Variants in KDM2A observed in about 807,000 individuals in gnomAD.
The protein encoded by KDM2A is lysine demethylase 2A, also known as lysine-specific demethylase 2A.
KDM2A carries 3 observed loss-of-function variants against 137.3 expected under a neutral mutation model. The observed-to-expected ratio is 0.02, with a 90% CI of 0.01 to 0.06. The LOEUF (loss-of-function observed/expected upper bound fraction) is 0.06, where lower values mean the gene tolerates loss of function less well. Among genes scored for constraint, KDM2A ranks in the 10% least tolerant of loss-of-function variants. The pLI is 1.00. For synonymous variants in KDM2A, 512 were observed against 541.5 expected, an observed-to-expected ratio of 0.95 and a Z score of 0.76; for missense variants, 738 against 1,510.6, an observed-to-expected ratio of 0.49 and a Z score of 8.48.
chr11:67,213,558 G>C (rs1858060866), intron 6 of KDM2A, among the ~76,000 whole-genome samples: 1 of 151,984 alleles, frequency 6.6e-6, no homozygotes, highest in Non-Finnish European at 1.5e-5. Context: ...AGAAGTTCGA[G>C]ACCAGCCTGG....
intron 7 of KDM2A, 170 bp from the exon 8 acceptor site, chr11:67,215,686 A>C: frequency 1.5e-6 from 1 of 671,350 alleles, no homozygotes; most frequent in Non-Finnish European, 2.6e-6. Context: ...AAAAAAAAAA[A>C]CCTTTTTCTG....
chr11:67,201,771 T>TAA (rs1857629994), intron 5 of KDM2A, among the ~76,000 whole-genome samples: 1 of 31,630 alleles, frequency 3.2e-5, no homozygotes, highest in Admixed American at 5.0e-4. Flanking sequence ...AGACTCCATC[T>TAA]CAAAAAAAAA....
intron 2 of KDM2A, among the ~76,000 whole-genome samples, chr11:67,161,272 T>A (rs1291753013): frequency 6.6e-6 from 1 of 152,210 alleles, no homozygotes; most frequent in Admixed American, 6.5e-5. Context: ...GACAGCATGA[T>A]CATGGTAAAC....
rs925053231 is a variant in KDM2A, at chr11:67,200,437, G to A, written c.308-7073G>A. 7.9e-5 allele frequency among the ~76,000 whole-genome samples: 12 copies of A among 152,142 alleles called. 2 individuals are homozygous for A. Among genetic ancestry groups the A allele is most frequent in the Admixed American group, 7.2e-4 (11 of 15,276 alleles). On this transcript the variant is annotated intron_variant, in intron 5 of 20. Transcript: ENST00000529006. ...TTTCACCATGTTAGCCAGGATGATCGCGATCTCCTCACCTCATGATCCGCC... is the reference window on the plus strand; with the variant it reads ...TTTCACCATGTTAGCCAGGATGATCACGATCTCCTCACCTCATGATCCGCC...
intron 2 of KDM2A, among the ~76,000 whole-genome samples, chr11:67,149,870 G>A (rs1313751171): frequency 1.3e-5 from 2 of 151,932 alleles, no homozygotes; most frequent in Non-Finnish European, 2.9e-5. Flanking sequence ...ACAGGCATGC[G>A]CCACCAGTCC....
intron 7 of KDM2A, 126 bp downstream of exon 7, chr11:67,215,572 A>C (rs938224207): frequency 3.2e-5 from 22 of 681,064 alleles, no homozygotes; most frequent in Admixed American, 7.2e-5. Context: ...TTATTTAAAG[A>C]TGAGACTTTA....
chr11:67,147,245 G>C (rs553858148), intron 2 of KDM2A, among the ~76,000 whole-genome samples: 15 of 152,160 alleles, frequency 9.9e-5, no homozygotes, highest in African/African-American at 3.6e-4. Flanking sequence ...CAGGTTAAAA[G>C]ATATGACTTC....
intron 10 of KDM2A, among the ~76,000 whole-genome samples, chr11:67,220,081 G>A (rs1250552525): frequency 6.6e-6 from 1 of 151,616 alleles, no homozygotes; most frequent in African/African-American, 2.4e-5. Flanking sequence ...CACAGTCATG[G>A]CTCACTGCAG....
intron 6 of KDM2A, among the ~76,000 whole-genome samples, chr11:67,214,207 A>ACTTTTTT (rs1858084516): frequency 9.7e-6 from 1 of 103,334 alleles, no homozygotes; most frequent in Admixed American, 1.2e-4. Context: ...TGCGCAGCTA[A>ACTTTTTT]TTTTTTTTTT....
intron 2 of KDM2A, among the ~76,000 whole-genome samples, chr11:67,157,547 C>T (rs1856545960): frequency 6.6e-6 from 1 of 151,662 alleles, no homozygotes; most frequent in African/African-American, 2.4e-5. Context: ...GGGTTCAAGA[C>T]CAGCCTGGCC....
intron 11 of KDM2A, among the ~76,000 whole-genome samples, chr11:67,229,035 C>T (rs901822951): frequency 2.6e-5 from 4 of 152,012 alleles, no homozygotes; most frequent in African/African-American, 7.2e-5. Context: ...TTGTCTAATG[C>T]GTTTTATTGT....
intron 6 of KDM2A, among the ~76,000 whole-genome samples, chr11:67,209,788 CGTT>C (rs1436768169): frequency 6.6e-6 from 1 of 152,138 alleles, no homozygotes; most frequent in East Asian, 1.9e-4. Context: ...TGGCCACACA[CGTT>C]GGCTCATGCC....
intron 17 of KDM2A, 64 bp from the exon 18 acceptor site, chr11:67,252,630 A>T (rs1859466552): frequency 6.4e-7 from 1 of 1,564,012 alleles, no homozygotes; most frequent in Non-Finnish European, 8.8e-7. Flanking sequence ...AGCCATAAGC[A>T]GCCTGTGATG....
At chr11:67,174,089 C>G (rs1247951167) in intron 2 of KDM2A, among the ~76,000 whole-genome samples, 1 of 152,198 alleles carries the variant, frequency 6.6e-6, no homozygotes, top group African/African-American at 2.4e-5. Flanking sequence ...GAAACCTTGT[C>G]TCTTCTAAAA....
chr11:67,242,935 TG>T, intron 12 of KDM2A, 73 bp from the exon 13 acceptor site: 1 of 1,141,750 alleles, frequency 8.8e-7, no homozygotes, highest in South Asian at 1.2e-5. Context: ...AGGCAGAGTC[TG>T]GATGCTGTTC....
chr11:67,213,301 C>G (rs1006049807), intron 6 of KDM2A, among the ~76,000 whole-genome samples: 11 of 152,260 alleles, frequency 7.2e-5, no homozygotes, highest in Admixed American at 2.0e-4. Context: ...TAGATATTTA[C>G]CACATCAGCA....
At chr11:67,161,215 T>G (rs1244451156) in intron 2 of KDM2A, among the ~76,000 whole-genome samples, 2 of 152,182 alleles carry the variant, frequency 1.3e-5, no homozygotes, top group Non-Finnish European at 2.9e-5. Flanking sequence ...TTTTTTAAAT[T>G]GAAACCAAAA....
intron 19 of KDM2A, 37 bp downstream of exon 19, chr11:67,253,648 G>C (rs1290325912): frequency 6.2e-7 from 1 of 1,605,326 alleles, no homozygotes; most frequent in Non-Finnish European, 8.5e-7. Context: ...GCTTGTCTTG[G>C]GGTAGCTTTG....
intron 12 of KDM2A, among the ~76,000 whole-genome samples, chr11:67,239,273 G>T (rs1011798515): frequency 6.6e-6 from 1 of 152,162 alleles, no homozygotes; most frequent in Non-Finnish European, 1.5e-5. Flanking sequence ...AGGGCAAAGT[G>T]TGTTGTGCCT....
Sources: gnomAD v4.1 joint callset for allele counts (sites outside exome capture counted in the v4.1 genomes callset) on GRCh38, gnomAD v4.1.1 for gene constraint, MANE v1.5 for transcripts, NCBI Gene and HGNC (gene_info 2026-07-23, HGNC 2026-07-21) for gene names.